Variants in SRRM4 observed in about 807,000 individuals in gnomAD.
SRRM4 encodes serine/arginine repetitive matrix 4, also known as serine/arginine repetitive matrix protein 4.
Under a neutral mutation model 68.9 loss-of-function variants are expected in SRRM4, and 33 were observed. That is an observed-to-expected ratio of 0.48 (90% CI 0.36 to 0.64). The LOEUF (loss-of-function observed/expected upper bound fraction) is 0.64, where lower values mean the gene tolerates loss of function less well. Among genes scored for constraint, SRRM4 ranks in the 30% least tolerant of loss-of-function variants. The pLI is 0.00. For synonymous variants in SRRM4, 318 were observed against 318.8 expected (o/e 1.00, Z 0.03); for missense variants, 817 against 827.1 (o/e 0.99, Z 0.15).
At position 119,102,350 on chromosome 12, in the gene SRRM4, C is replaced by G. The variant is rs761868587; in HGVS notation, c.246C>G (p.Thr82=). 2 of 1,613,086 alleles carry G rather than the reference C, an allele frequency of 1.2e-6. No individual in the cohort carries two copies. Among genetic ancestry groups the G allele is most frequent in the South Asian group, 2.2e-5 (2 of 90,940 alleles). The part of the protein sequence containing the change: ...LGTNSWERDK[T]CRELGATRGH... ...CCAACAGTTGGGAGAGAGACAAGAC[C>G]TGTCGGGAACTGGGTGCCACCAGAG... The change falls in exon 2 of 13, where the codon ACC becomes ACG. Residue 82 remains threonine, a synonymous_variant. Transcript: ENST00000267260.
Position 119,004,204 on chromosome 12 carries a change from C to T in SRRM4, c.131+22191C>T, listed in dbSNP as rs187220579. On this transcript the variant is annotated intron_variant, in intron 1 of 12. Coordinates refer to ENST00000267260, the MANE Select transcript of SRRM4 (RefSeq NM_194286.4). ...AGGTCCCACACACCTGGTTATGCCC[C>T]TGGTTCTAAGATTCTGAGACCATAA... Among the ~76,000 whole-genome samples, 151 of 152,112 alleles carry T rather than the reference C, an allele frequency of 9.9e-4. 1 individual carries two copies. Among genetic ancestry groups the T allele is most frequent in the African/African-American group, 3.5e-3 (147 of 41,560 alleles).
At chr12:119,049,697 T>A (rs1216892563) in intron 1 of SRRM4, among the ~76,000 whole-genome samples, 1 of 152,140 alleles carries the variant, frequency 6.6e-6, no homozygotes, top group Non-Finnish European at 1.5e-5. Flanking sequence ...CAGTAATAAT[T>A]TATTTTCTCA....
intron 1 of SRRM4, among the ~76,000 whole-genome samples, chr12:119,065,161 G>A (rs1953837822): frequency 6.6e-6 from 1 of 152,144 alleles, no homozygotes; most frequent in Admixed American, 6.5e-5. Flanking sequence ...CTAATAAGGG[G>A]TAGGACCAGC....
intron 1 of SRRM4, among the ~76,000 whole-genome samples, chr12:119,076,156 T>C (rs977074418): frequency 1.3e-5 from 2 of 152,124 alleles, no homozygotes; most frequent in Non-Finnish European, 2.9e-5. Flanking sequence ...GGAATAATGA[T>C]GATGATGATG....
At chr12:118,993,691 C>T (rs1419563657) in intron 1 of SRRM4, among the ~76,000 whole-genome samples, 2 of 152,184 alleles carry the variant, frequency 1.3e-5, no homozygotes, top group Admixed American at 6.5e-5. Flanking sequence ...CTCAAGATTG[C>T]TGTAGCCCAA....
intron 1 of SRRM4, among the ~76,000 whole-genome samples, chr12:119,023,291 T>C (rs370923747): frequency 9.9e-5 from 15 of 152,062 alleles, no homozygotes; most frequent in African/African-American, 3.6e-4. Flanking sequence ...GGTCACAAAA[T>C]GGAGATGAAA....
At chr12:119,093,596 T>C (rs1483468675) in intron 1 of SRRM4, among the ~76,000 whole-genome samples, 1 of 152,226 alleles carries the variant, frequency 6.6e-6, no homozygotes, top group Admixed American at 6.5e-5. Context: ...CAATTCCAGC[T>C]GATCCCCAGG....
chr12:119,087,129 G>C (rs1953983953), intron 1 of SRRM4, among the ~76,000 whole-genome samples: 2 of 152,156 alleles, frequency 1.3e-5, no homozygotes, highest in Non-Finnish European at 2.9e-5. Context: ...CTTTTAATGG[G>C]ATCTCCTATG....
chr12:118,986,323 C>T (rs186622703), intron 1 of SRRM4, among the ~76,000 whole-genome samples: 1 of 152,030 alleles, frequency 6.6e-6, no homozygotes, highest in Non-Finnish European at 1.5e-5. Flanking sequence ...AGGAAGGGAG[C>T]GTTATTGTGT....
chr12:119,057,179 T>G (rs1248115544), intron 1 of SRRM4, among the ~76,000 whole-genome samples: 1 of 152,176 alleles, frequency 6.6e-6, no homozygotes, highest in Non-Finnish European at 1.5e-5. Flanking sequence ...ATAGTTGGGT[T>G]TTTTTCTTCA....
rs539861444 is a variant in SRRM4, at chr12:119,147,720, AC to A, written c.1076+2038del. 3.9e-5 allele frequency among the ~76,000 whole-genome samples: 6 copies of A among 152,348 alleles called. No individual in the cohort carries two copies. The East Asian group carries it at 9.6e-4, about 24-fold the overall frequency. On this transcript the variant is annotated intron_variant, in intron 9 of 12. Coordinates refer to ENST00000267260, the MANE Select transcript of SRRM4 (RefSeq NM_194286.4). ...AACATTGAGATTTCTCCATTTTTTT[AC>A]CCATCTTAACACACTCACTAGATGC... is the stretch of plus-strand genomic sequence containing the variant.
chr12:118,982,692 T>TTTTTTTTTTA (rs1953257954), intron 1 of SRRM4, among the ~76,000 whole-genome samples: 1 of 102,690 alleles, frequency 9.7e-6, no homozygotes, highest in African/African-American at 3.7e-5. Context: ...TTTTTTTTTT[T>TTTTTTTTTTA]TTTCCAAAAA....
chr12:119,078,528 G>T (rs1253901106), intron 1 of SRRM4, among the ~76,000 whole-genome samples: 2 of 152,230 alleles, frequency 1.3e-5, no homozygotes, highest in African/African-American at 4.8e-5. Context: ...AGGCAAGAAA[G>T]CATCCTGAGA....
At chr12:119,040,758 T>A (rs944004432) in intron 1 of SRRM4, among the ~76,000 whole-genome samples, 1 of 152,110 alleles carries the variant, frequency 6.6e-6, no homozygotes, top group Non-Finnish European at 1.5e-5. Flanking sequence ...TTTATTTTTA[T>A]TTTGGAGGGA....
At chr12:118,997,922 T>C (rs1009289433) in intron 1 of SRRM4, among the ~76,000 whole-genome samples, 1 of 152,170 alleles carries the variant, frequency 6.6e-6, no homozygotes, top group African/African-American at 2.4e-5. Flanking sequence ...AAACTCAAGC[T>C]TGTAAGGCAC....
rs544997475 is a variant in SRRM4 at position 119,051,838 on chromosome 12, A to C, written c.132-50398A>C. 5.3e-5 allele frequency among the ~76,000 whole-genome samples: 8 copies of C among 152,366 alleles called. No homozygotes were observed. In the East Asian group the frequency reaches 1.3e-3, roughly 26 times the overall value. Reference sequence around the variant, plus strand: ...ATGTTTGGTGGAGCACATTTTGGTGAATGCTGCTTTACAGCATCGTCAAAC... The same window carrying C: ...ATGTTTGGTGGAGCACATTTTGGTGCATGCTGCTTTACAGCATCGTCAAAC... On this transcript the variant is annotated intron_variant, in intron 1 of 12. Transcript: ENST00000267260.
rs1461430142 is a variant in SRRM4 at position 119,156,599 on chromosome 12, G to A, written c.1637G>A (p.Ser546Asn). The change falls in exon 13 of 13, where the codon AGC (serine) becomes AAC (asparagine). Residue 546 changes from serine to asparagine, a missense_variant. Transcript: ENST00000267260. ...AGCAGCAGCAGTAGCCGCTCGGCCA[G>A]CCGCAGCTACTCCCGGAGCCGGAGT... ...WYSSSSSRSA[S>N]RSYSRSRSRS... is the part of the protein sequence containing the mutation. 3.7e-6 allele frequency: 6 copies of A among 1,610,852 alleles called. No individual in the cohort carries two copies. The highest frequency in any genetic ancestry group is 5.1e-6 in the Non-Finnish European group (6 of 1,179,582).
At chr12:119,035,804 T>C (rs1317918632) in intron 1 of SRRM4, among the ~76,000 whole-genome samples, 3 of 152,178 alleles carry the variant, frequency 2.0e-5, no homozygotes, top group Non-Finnish European at 2.9e-5. Context: ...GCAGTAACTC[T>C]ATATTGTTGA....
Position 119,156,743 on chromosome 12 carries a change from G to A in SRRM4, c.1781G>A (p.Arg594Lys), listed in dbSNP as rs1461506961. 7.1e-6 allele frequency: 11 copies of A among 1,546,510 alleles called. No individual in the cohort carries two copies. The highest frequency in any genetic ancestry group is 9.6e-6 in the Non-Finnish European group (11 of 1,146,352). Reference protein sequence around the residue: ...RSRSRSRSRSRSQSRSYSSAD... With the variant: ...RSRSRSRSRSKSQSRSYSSAD... Reference sequence around the variant, plus strand: ...AGGAGCCGGAGCCGGAGCCGGAGCAGGAGCCAGAGCCGGAGCTACAGCTCA... The same window carrying A: ...AGGAGCCGGAGCCGGAGCCGGAGCAAGAGCCAGAGCCGGAGCTACAGCTCA... The change falls in exon 13 of 13, where the codon AGG (arginine) becomes AAG (lysine). Residue 594 changes from arginine (R) to lysine (K), a missense_variant. Physicochemically the swap from Arg to Lys is conservative, Grantham distance 26 (BLOSUM62 2). Transcript: ENST00000267260.
Sources: gnomAD v4.1 joint callset for allele counts (sites outside exome capture counted in the v4.1 genomes callset) on GRCh38, gnomAD v4.1.1 for gene constraint, MANE v1.5 for transcripts, NCBI Gene and HGNC (gene_info 2026-07-23, HGNC 2026-07-21) for gene names.